SYT8: variants seen among roughly 807,000 people sequenced by gnomAD.
SYT8 encodes synaptotagmin 8.
In SYT8, 50 loss-of-function variants were observed where a neutral mutation model predicts 34.9. That is an observed-to-expected ratio of 1.43 (90% CI 1.14 to 1.81). SYT8 has a LOEUF of 1.81. SYT8 is among the 40% of genes most tolerant of loss of function. The pLI is 0.00. For synonymous variants in SYT8, 255 were observed against 234.2 expected, an observed-to-expected ratio of 1.09 and a Z score of -0.81; for missense variants, 595 against 529.0, an observed-to-expected ratio of 1.12 and a Z score of -1.22.
At chr11:1,835,864 C>A in intron 2 of SYT8, 22 bp from the exon 3 acceptor site, 2 of 1,599,454 alleles carry the variant, frequency 1.3e-6, no homozygotes, top group Non-Finnish European at 8.6e-7. Context: ...CACCACCTGC[C>A]CCTTGTCCCA....
chr11:1,837,327 C>T lies in SYT8; in HGVS notation c.1060C>T (p.Arg354Trp), dbSNP rs373722872. Residue 354 changes from arginine (R) to tryptophan (W), a missense_variant, in exon 8 of 8, where the codon CGG (arginine) becomes TGG (tryptophan). By Grantham distance (101) the Arg-to-Trp change is moderately radical (BLOSUM62 -3). Coordinates refer to ENST00000341958, the MANE Select transcript of SYT8 (RefSeq NM_001394072.1). Reference sequence around the variant, plus strand: ...GGCAGACATGCTGGCCCACGCCCGGCGGCCCATTGCCCAGCGGCACCCCCT... The same window carrying T: ...GGCAGACATGCTGGCCCACGCCCGGTGGCCCATTGCCCAGCGGCACCCCCT... ...HWADMLAHAR[R>W]PIAQRHPLRP... is the part of the protein sequence containing the mutation. 3.1e-5 allele frequency: 49 copies of T among 1,590,738 alleles called. No individual in the cohort carries two copies. Among genetic ancestry groups the T allele is most frequent in the African/African-American group, 2.8e-4 (21 of 74,796 alleles).
At position 1,835,841 on chromosome 11, in the gene SYT8, G is replaced by A. The variant is rs1266737996; in HGVS notation, c.259-45G>A. On this transcript the variant is annotated intron_variant, in intron 2 of 7. Coordinates refer to ENST00000341958, the MANE Select transcript of SYT8 (RefSeq NM_001394072.1). ...GCCCGGGAGCCCAGGGCTCTGATGA[G>A]GCATGATGTCAGCACCACCTGCCCC... The A allele has an allele frequency of 2.6e-6, 4 of 1,531,472 alleles. No homozygotes were observed. In the South Asian group the frequency reaches 4.5e-5, roughly 17 times the overall value. 94.9% of individuals were successfully genotyped at this position (1,531,472 alleles called of 1,614,324 possible).
Position 1,837,122 on chromosome 11 carries a change from A to G in SYT8, c.924+32A>G, listed in dbSNP as rs148305306. ...CACCGGGAGGCAGGGGCAGAGCGAG[A>G]CCCAGTGCCAGACCACGATGACTGT... On this transcript the variant is annotated intron_variant, in intron 7 of 7. Transcript: ENST00000341958. The G allele has an allele frequency of 7.2e-3, 11,658 of 1,610,046 alleles. 98 individuals carry two copies. The highest frequency in any genetic ancestry group is 0.041 in the Middle Eastern group (249 of 6,046).
At position 1,836,902 on chromosome 11, in the gene SYT8, G is replaced by A. The variant is rs780309519; in HGVS notation, c.790+41G>A. The A allele has an allele frequency of 5.0e-6, 8 of 1,612,582 alleles. No individual in the cohort carries two copies. In the African/African-American group the frequency reaches 5.3e-5, roughly 11 times the overall value. On this transcript the variant is annotated intron_variant, in intron 6 of 7. Coordinates refer to ENST00000341958, the MANE Select transcript of SYT8 (RefSeq NM_001394072.1). ...GCCCACGTTGTTGTACAGAGGGGGG[G>A]CCCGTGCTCAGCCCCGAGCCCTGGG...
At chr11:1,835,760 CT>C in intron 2 of SYT8, 125 bp from the exon 3 acceptor site, 1 of 875,030 alleles carries the variant, frequency 1.1e-6, no homozygotes, top group Non-Finnish European at 1.8e-6. Flanking sequence ...CGATTTGTGC[CT>C]GTTGGGTGGC....
upstream of SYT8, chr11:1,834,587 G>A (rs1206925120): frequency 6.9e-6 from 11 of 1,588,086 alleles, no homozygotes; most frequent in Non-Finnish European, 9.4e-6. This position sits in a 1 kb window ranked among gnomAD's most constrained non-coding sequence, Gnocchi z 4.5. Context: ...CCACCTGCAT[G>A]GCTGGCAAAC....
At chr11:1,833,127 C>G (rs986851959), upstream of SYT8, among the ~76,000 whole-genome samples, 1 of 152,170 alleles carries the variant, frequency 6.6e-6, no homozygotes. Context: ...TGAATCTGGC[C>G]GGCACAGTCC....
In SYT8 at chr11:1,837,428, C is replaced by T. The variant is rs1334425898; in HGVS notation, c.1161C>T (p.Ser387=). 6.2e-7 allele frequency: 1 copy of T among 1,605,782 alleles called. No individual in the cohort carries two copies. Among genetic ancestry groups the T allele is most frequent in the Non-Finnish European group, 8.5e-7 (1 of 1,179,470 alleles). ...RLRLRLPLPH[S] ...GCCTGCGCCTGCCCTTGCCCCACTC[C>T]TGAATGCACCACATGCCTCTGTCTC... Residue 387 remains serine, a synonymous_variant, in exon 8 of 8, where the codon TCC becomes TCT. Transcript: ENST00000341958.
At chr11:1,836,671 C>A in intron 5 of SYT8, 79 bp downstream of exon 5, 2 of 1,592,162 alleles carry the variant, frequency 1.3e-6, no homozygotes, top group Non-Finnish European at 1.7e-6. Flanking sequence ...GAAAGACAGG[C>A]CTGATGGGCA....
At chr11:1,835,530 G>T (rs534547197) in intron 2 of SYT8, 71 bp downstream of exon 2, 3 of 1,566,472 alleles carry the variant, frequency 1.9e-6, no homozygotes, top group Middle Eastern at 1.7e-4. Flanking sequence ...CCAGGGCAGC[G>T]AGGCGAGTTC....
chr11:1,835,593 G>A (rs1174733189), intron 2 of SYT8, 134 bp downstream of exon 2: 5 of 1,089,710 alleles, frequency 4.6e-6, no homozygotes, highest in African/African-American at 1.6e-5. Flanking sequence ...GGACCTTCCT[G>A]GCAGGGAAAG....
intron 6 of SYT8, 42 bp downstream of exon 6, chr11:1,836,903 CCCGTG>C (rs746107884): frequency 6.2e-7 from 1 of 1,612,614 alleles, no homozygotes; most frequent in South Asian, 1.1e-5. Flanking sequence ...AGAGGGGGGG[CCCGTG>C]CTCAGCCCCG....
chr11:1,832,129 GGGTGGAATTCA>G (rs1846688772), upstream of SYT8, among the ~76,000 whole-genome samples: 1 of 152,234 alleles, frequency 6.6e-6, no homozygotes, highest in Non-Finnish European at 1.5e-5. Context: ...GGCCCTAACG[GGGTGGAATTCA>G]GCACAAAACG....
At chr11:1,833,917 G>A (rs1435722525), upstream of SYT8, 1 of 154,410 alleles carries the variant, frequency 6.5e-6, no homozygotes, top group African/African-American at 2.4e-5. Context: ...GCCCCAGACT[G>A]GGGGGCTGCA....
upstream of SYT8, chr11:1,834,927 T>A: frequency 1.5e-6 from 1 of 657,864 alleles, no homozygotes; most frequent in Non-Finnish European, 2.6e-6. The surrounding 1 kb of genome is among the most constrained non-coding windows in gnomAD (Gnocchi z 4.5). Context: ...CCTCCCTCCC[T>A]TCAGCTTCCT....
Position 1,835,205 on chromosome 11 carries a change from T to C in SYT8, c.94+6T>C, listed in dbSNP as rs758042425. ...CCTTGTCGCCGGGACCCCCTGTGAG[T>C]TGTGGGATTCCCAAGAGGGGTGTGG... On this transcript the variant is annotated splice_donor_region_variant and intron_variant, in intron 1 of 7. Transcript: ENST00000341958. 3.7e-6 allele frequency: 6 copies of C among 1,612,742 alleles called. No homozygotes were observed. In the African/African-American group the frequency reaches 4.0e-5, roughly 11 times the overall value.
intron 2 of SYT8, 128 bp downstream of exon 2, chr11:1,835,587 C>T: frequency 8.7e-7 from 1 of 1,147,432 alleles, no homozygotes; most frequent in South Asian, 1.4e-5. Context: ...CGTTGAGGAC[C>T]TTCCTGGCAG....
rs1281223600 is a variant in SYT8 at position 1,837,449 on chromosome 11, G to A, written c.*18G>A. The A allele has an allele frequency of 3.7e-6, 6 of 1,602,856 alleles. No homozygotes were observed. The highest frequency in any genetic ancestry group is 3.3e-5 in the South Asian group (3 of 90,800). ...ACTCCTGAATGCACCACATGCCTCT[G>A]TCTCCCCGCTGAGCCCAGGCACTTG... is the stretch of plus-strand genomic sequence containing the variant. On this transcript the variant is annotated 3_prime_UTR_variant, in exon 8 of 8. Coordinates refer to ENST00000341958, the MANE Select transcript of SYT8 (RefSeq NM_001394072.1).
chr11:1,834,591 G>C (rs142763046), upstream of SYT8: 2,292 of 1,588,288 alleles, frequency 1.4e-3, 27 homozygotes, highest in East Asian at 1.2e-3. This position sits in a 1 kb window ranked among gnomAD's most constrained non-coding sequence, Gnocchi z 4.5. Flanking sequence ...CTGCATGGCT[G>C]GCAAACCATG....
Sources: allele counts gnomAD v4.1 joint callset (sites outside exome capture counted in the v4.1 genomes callset), GRCh38; gene constraint gnomAD v4.1.1; non-coding constraint Gnocchi (gnomAD v3.1); transcripts MANE v1.5; gene names NCBI Gene and HGNC (gene_info 2026-07-23, HGNC 2026-07-21).